ELP4: variants seen among roughly 807,000 people sequenced by gnomAD.
ELP4 encodes the protein elongator complex protein 4.
A neutral mutation model predicts 48.9 loss-of-function variants in ELP4; 51 were observed. The ratio of observed to expected loss-of-function variants is 1.04; its 90% CI spans 0.83 to 1.32. The LOEUF (loss-of-function observed/expected upper bound fraction) is 1.32. ELP4 is among the 40% of genes most tolerant of loss of function. The pLI, the probability that ELP4 is intolerant of heterozygous loss-of-function variation, is 0.00. For synonymous variants in ELP4, 210 were observed against 189.2 expected (o/e 1.11, Z -0.90); for missense variants, 519 against 514.6 (o/e 1.01, Z -0.08).
chr11:31,624,837 C>G (rs1303644685), intron 5 of ELP4, among the ~76,000 whole-genome samples: 2 of 151,606 alleles, frequency 1.3e-5, no homozygotes, highest in East Asian at 3.9e-4. Context: ...CACAAGCACA[C>G]ACATTACTCT....
chr11:31,546,648 A>G (rs1328716717), intron 3 of ELP4, among the ~76,000 whole-genome samples: 4 of 152,178 alleles, frequency 2.6e-5, no homozygotes, highest in Non-Finnish European at 1.5e-5. Flanking sequence ...ATAGACATCT[A>G]CAGAACTCTC....
intron 3 of ELP4, among the ~76,000 whole-genome samples, chr11:31,578,094 A>G (rs1295000107): frequency 6.6e-6 from 1 of 152,238 alleles, no homozygotes; most frequent in African/African-American, 2.4e-5. Flanking sequence ...AACTTCAGCA[A>G]AGTCTCAGGA....
chr11:31,790,279 T>C lies in ELP4; in HGVS notation c.*6755T>C. ...GGAAAAGAAAAAAAAAATCCTCTGT[T>C]TGTTTGCATGTTTGGAACTTTTACA... On this transcript the variant is annotated 3_prime_UTR_variant, in exon 10 of 10. Transcript: ENST00000640961. 1.7e-6 allele frequency: 1 copy of C among 576,132 alleles called. No homozygotes were observed. Among genetic ancestry groups the C allele is most frequent in the Non-Finnish European group, 2.7e-6 (1 of 366,138 alleles). The allele number at this position is 576,132 out of a possible 1,614,324, so 35.7% of individuals were successfully genotyped here.
intron 3 of ELP4, among the ~76,000 whole-genome samples, chr11:31,553,280 A>T (rs985452663): frequency 2.0e-5 from 3 of 152,172 alleles, no homozygotes; most frequent in Non-Finnish European, 4.4e-5. Context: ...ATACCCAAAT[A>T]TTTGGTCAAA....
At chr11:31,722,137 A>G (rs1592253274) in intron 9 of ELP4, among the ~76,000 whole-genome samples, 1 of 152,220 alleles carries the variant, frequency 6.6e-6, no homozygotes, top group African/African-American at 2.4e-5. Flanking sequence ...AATAATTGCA[A>G]TGTTCCTCAG....
At chr11:31,731,890 A>C (rs1947197210) in intron 9 of ELP4, among the ~76,000 whole-genome samples, 1 of 152,156 alleles carries the variant, frequency 6.6e-6, no homozygotes, top group South Asian at 2.1e-4. Context: ...GCAATATGAG[A>C]ATGGGATAAT....
intron 5 of ELP4, among the ~76,000 whole-genome samples, chr11:31,625,965 A>G (rs779229521): frequency 6.6e-6 from 1 of 151,872 alleles, no homozygotes; most frequent in Non-Finnish European, 1.5e-5. Flanking sequence ...AGAAATAGCC[A>G]AAGTACCAAA....
At chr11:31,641,360 G>C (rs1038151907) in intron 7 of ELP4, among the ~76,000 whole-genome samples, 18 of 151,790 alleles carry the variant, frequency 1.2e-4, no homozygotes, top group African/African-American at 4.1e-4. Context: ...CTTCAAGAAA[G>C]TGTATATATC....
intron 9 of ELP4, among the ~76,000 whole-genome samples, chr11:31,709,814 T>A (rs1220915074): frequency 6.6e-6 from 1 of 152,208 alleles, no homozygotes; most frequent in African/African-American, 2.4e-5. Flanking sequence ...GCAATCTAGC[T>A]TGGGAAGTAA....
intron 9 of ELP4, among the ~76,000 whole-genome samples, chr11:31,683,223 G>A (rs543473896): frequency 2.0e-5 from 3 of 152,142 alleles, no homozygotes; most frequent in East Asian, 3.9e-4. Context: ...GGCATATCTT[G>A]TAAGTAAGCA....
At chr11:31,626,077 A>C (rs1048602195) in intron 5 of ELP4, among the ~76,000 whole-genome samples, 2 of 151,804 alleles carry the variant, frequency 1.3e-5, no homozygotes, top group Non-Finnish European at 2.9e-5. Context: ...GTGGCTGTTC[A>C]ACTACATGTT....
intron 9 of ELP4, among the ~76,000 whole-genome samples, chr11:31,705,879 G>T (rs1946620605): frequency 6.6e-6 from 1 of 151,672 alleles, no homozygotes; most frequent in South Asian, 2.1e-4. Context: ...TAGAGACAGG[G>T]TCTTGCTCTG....
At chr11:31,707,178 A>G (rs934223905) in intron 9 of ELP4, 3 of 391,906 alleles carry the variant, frequency 7.7e-6, no homozygotes, top group Non-Finnish European at 1.4e-5. Flanking sequence ...TAGTTGCTGC[A>G]CGAGTTTATA....
intron 2 of ELP4, among the ~76,000 whole-genome samples, chr11:31,535,206 C>T (rs78471260): frequency 0.027 from 4,033 of 152,176 alleles, 168 homozygotes; most frequent in African/African-American, 0.092. Flanking sequence ...TGGATTTTCT[C>T]TAAGATAATG....
At chr11:31,717,858 A>G (rs1321236119) in intron 9 of ELP4, among the ~76,000 whole-genome samples, 1 of 152,206 alleles carries the variant, frequency 6.6e-6, no homozygotes, top group African/African-American at 2.4e-5. Flanking sequence ...TTATAGTGAA[A>G]AAATGACATC....
chr11:31,770,108 C>T (rs1170299804), intron 9 of ELP4, among the ~76,000 whole-genome samples: 2 of 152,162 alleles, frequency 1.3e-5, no homozygotes, highest in African/African-American at 4.8e-5. Flanking sequence ...TGAAGCATCT[C>T]TCAGCTTGGC....
intron 1 of ELP4, chr11:31,510,537 C>T (rs1209156843): frequency 2.5e-6 from 1 of 403,082 alleles, no homozygotes; most frequent in Non-Finnish European, 4.4e-6. Context: ...ATGTTAAAGG[C>T]TTATGTTGAC....
intron 3 of ELP4, among the ~76,000 whole-genome samples, chr11:31,545,047 T>C (rs1313309378): frequency 1.3e-5 from 2 of 151,894 alleles, no homozygotes; most frequent in East Asian, 3.9e-4. Context: ...ACCACAAAGA[T>C]GGGAAAAAAA....
chr11:31,612,155 A>G (rs1368194136), intron 5 of ELP4, among the ~76,000 whole-genome samples: 2 of 152,230 alleles, frequency 1.3e-5, no homozygotes, highest in East Asian at 3.8e-4. Context: ...GGGTGAAATA[A>G]GATTTTTTTT....
Sources: gnomAD v4.1 joint callset for allele counts (sites outside exome capture counted in the v4.1 genomes callset) on GRCh38, gnomAD v4.1.1 for gene constraint, MANE v1.5 for transcripts, NCBI Gene and HGNC (gene_info 2026-07-23, HGNC 2026-07-21) for gene names.